FRMPD4: variants seen among roughly 807,000 people sequenced by gnomAD.
The protein encoded by FRMPD4 is FERM and PDZ domain containing 4.
In FRMPD4, 22 loss-of-function variants were observed where a neutral mutation model predicts 94.1. The ratio of observed to expected loss-of-function variants is 0.23; its 90% CI spans 0.17 to 0.33. The LOEUF is 0.33. Among genes scored for constraint, FRMPD4 ranks in the 10% least tolerant of loss-of-function variants. The probability of loss-of-function intolerance (pLI) is 1.00; values close to 1 mark genes in which losing one functional copy is unlikely to be tolerated. For missense variants in FRMPD4, 1,111 were observed against 1,339.9 expected, an observed-to-expected ratio of 0.83 and a Z score of 2.67; for synonymous variants, 631 against 548.6, an observed-to-expected ratio of 1.15 and a Z score of -2.10.
At chrX:12,375,120 A>G (rs1057317371) in intron 1 of FRMPD4, 2 of 112,515 alleles carry the variant, frequency 1.8e-5, no homozygotes, top group East Asian at 2.8e-4. Context: ...AGGAATTACC[A>G]TCTTCACAGG....
chrX:12,407,566 C>T (rs1305568878), intron 1 of FRMPD4, among the ~76,000 whole-genome samples: 1 of 112,248 alleles, frequency 8.9e-6, no homozygotes, highest in African/African-American at 3.2e-5. Flanking sequence ...AACCTAACAC[C>T]TGACATATAA....
At chrX:11,897,629 G>T (rs1216811176) in intron 3 of FRMPD4, among the ~76,000 whole-genome samples, 2 of 112,171 alleles carry the variant, frequency 1.8e-5, no homozygotes, top group South Asian at 3.7e-4. Flanking sequence ...TTTTATGAAT[G>T]TAGGAAATAT....
intron 2 of FRMPD4, among the ~76,000 whole-genome samples, chrX:12,581,926 C>T (rs1352773078): frequency 1.8e-5 from 2 of 111,673 alleles, no homozygotes; most frequent in African/African-American, 6.5e-5. Context: ...TATTCATTTC[C>T]TATGTTATTT....
chrX:12,381,257 A>G (rs745725163), intron 1 of FRMPD4, among the ~76,000 whole-genome samples: 1 of 112,041 alleles, frequency 8.9e-6, no homozygotes, highest in East Asian at 2.8e-4. Flanking sequence ...AGGCCATATG[A>G]TTTCCTCATG....
chrX:11,987,821 A>G (rs577707239), intron 3 of FRMPD4, among the ~76,000 whole-genome samples: 1 of 111,525 alleles, frequency 9.0e-6, no homozygotes, highest in South Asian at 3.7e-4. Context: ...ACCATTTGTA[A>G]TAGCCACAAA....
At chrX:12,018,763 C>A (rs748378642) in intron 3 of FRMPD4, among the ~76,000 whole-genome samples, 3 of 111,526 alleles carry the variant, frequency 2.7e-5, no homozygotes, top group Non-Finnish European at 5.6e-5. Context: ...GGATTAGAGC[C>A]CACCCTAATG....
intron 4 of FRMPD4, among the ~76,000 whole-genome samples, chrX:12,666,476 C>T (rs761800636): frequency 5.0e-4 from 56 of 111,754 alleles, no homozygotes; most frequent in African/African-American, 1.3e-3. Flanking sequence ...ACAGAATATA[C>T]ATCCTTCTTG....
At chrX:12,423,810 A>C (rs2056914298) in intron 1 of FRMPD4, among the ~76,000 whole-genome samples, 2 of 112,245 alleles carry the variant, frequency 1.8e-5, no homozygotes, top group Non-Finnish European at 3.7e-5. Flanking sequence ...CAATGATGTT[A>C]GCATGTGGGG....
chrX:11,861,531 T>C (rs1190106722), intron 1 of FRMPD4, among the ~76,000 whole-genome samples: 1 of 112,074 alleles, frequency 8.9e-6, no homozygotes, highest in Non-Finnish European at 1.9e-5. Context: ...GGTCAGAATT[T>C]GTCTTTCACT....
At chrX:11,901,718 T>C (rs1228864389) in intron 3 of FRMPD4, among the ~76,000 whole-genome samples, 1 of 112,259 alleles carries the variant, frequency 8.9e-6, no homozygotes, top group African/African-American at 3.2e-5. Flanking sequence ...ATCAGCAGTG[T>C]AAAAGTGTCC....
rs775521755 is a variant in FRMPD4, at chrX:12,189,984, CA to C, written c.41+50979del. ...TATATAGAAAATCTGAAATAATCAA[CA>C]AAAAAATTCCTGGAATTAATAAATG... is the stretch of plus-strand genomic sequence containing the variant. On this transcript the variant is annotated intron_variant, in intron 1 of 16. Transcript: ENST00000675598. Among the ~76,000 whole-genome samples, 551 of 110,998 alleles carry C rather than the reference CA, an allele frequency of 5.0e-3. 5 individuals are homozygous for C. Among genetic ancestry groups the C allele is most frequent in the African/African-American group, 0.017 (525 of 30,703 alleles).
At chrX:11,875,417 A>C (rs1377381534) in intron 2 of FRMPD4, among the ~76,000 whole-genome samples, 1 of 111,986 alleles carries the variant, frequency 8.9e-6, no homozygotes, top group African/African-American at 3.3e-5. Context: ...AAAAGGAAAG[A>C]AAAATCCACA....
chrX:12,394,838 T>G, intron 1 of FRMPD4, among the ~76,000 whole-genome samples: 1 of 111,971 alleles, frequency 8.9e-6, no homozygotes, highest in Non-Finnish European at 1.9e-5. Context: ...GCAACAGATA[T>G]GGAGTATAGA....
intron 4 of FRMPD4, among the ~76,000 whole-genome samples, chrX:12,653,400 C>A (rs960573295): frequency 5.4e-5 from 6 of 112,125 alleles, no homozygotes; most frequent in Non-Finnish European, 1.1e-4. Context: ...CTTGAAGAAC[C>A]AGTAGCAATC....
chrX:12,398,135 C>A (rs1322117984), intron 1 of FRMPD4, among the ~76,000 whole-genome samples: 1 of 111,432 alleles, frequency 9.0e-6, no homozygotes, highest in Non-Finnish European at 1.9e-5. Flanking sequence ...GGCCCCAATT[C>A]TGGGACTGAA....
intron 4 of FRMPD4, among the ~76,000 whole-genome samples, chrX:12,621,124 G>A (rs1054976797): frequency 9.8e-5 from 11 of 111,822 alleles, no homozygotes; most frequent in South Asian, 3.8e-4. Flanking sequence ...CAGCTACGCC[G>A]GAGGCTGAGA....
At chrX:12,107,029 T>C (rs971979488) in intron 3 of FRMPD4, among the ~76,000 whole-genome samples, 15 of 111,747 alleles carry the variant, frequency 1.3e-4, no homozygotes, top group African/African-American at 4.9e-4. Flanking sequence ...AATGTCCCTG[T>C]CTGACAGCTT....
chrX:12,216,191 T>C (rs2056805099), intron 1 of FRMPD4, among the ~76,000 whole-genome samples: 1 of 111,585 alleles, frequency 9.0e-6, no homozygotes. Flanking sequence ...GCATTTCTTC[T>C]CCATGACATC....
At chrX:12,364,459 C>T (rs1569247170) in intron 1 of FRMPD4, among the ~76,000 whole-genome samples, 1 of 111,014 alleles carries the variant, frequency 9.0e-6, no homozygotes, top group African/African-American at 3.3e-5. Context: ...AGCAGGTGTC[C>T]TTGGTTTTCT....
Sources: allele counts gnomAD v4.1 joint callset (sites outside exome capture counted in the v4.1 genomes callset), GRCh38; gene constraint gnomAD v4.1.1; transcripts MANE v1.5; gene names NCBI Gene and HGNC (gene_info 2026-07-23, HGNC 2026-07-21).